Variants in PHLDB2 observed in about 807,000 individuals in gnomAD.
PHLDB2 encodes pleckstrin homology like domain family B member 2.
Under a neutral mutation model 123.6 loss-of-function variants are expected in PHLDB2, and 71 were observed. The ratio of observed to expected loss-of-function variants is 0.57; its 90% confidence interval spans 0.47 to 0.70. The LOEUF (loss-of-function observed/expected upper bound fraction) is 0.70. PHLDB2 is among the 30% of genes least tolerant of loss of function. PHLDB2 has a pLI of 0.00. For missense variants in PHLDB2, 1,446 were observed against 1,519.5 expected, an observed-to-expected ratio of 0.95 and a Z score of 0.80; for synonymous variants, 547 against 541.6, an observed-to-expected ratio of 1.01 and a Z score of -0.14.
exon 1 of PHLDB2, chr3:111,732,684 A>T: frequency 6.5e-7 from 1 of 1,535,624 alleles, no homozygotes; most frequent in Non-Finnish European, 8.7e-7. Context: ...AAGAGTCGGG[A>T]TTGAAAAGCA....
intron 2 of PHLDB2, among the ~76,000 whole-genome samples, chr3:111,909,963 G>A (rs552456025): frequency 6.6e-6 from 1 of 151,964 alleles, no homozygotes; most frequent in Admixed American, 6.6e-5. Flanking sequence ...TATGTGTACC[G>A]TCCTGTGACC....
chr3:111,835,865 C>G (rs969563829), intron 1 of PHLDB2, among the ~76,000 whole-genome samples: 5 of 152,154 alleles, frequency 3.3e-5, no homozygotes, highest in African/African-American at 1.2e-4. Flanking sequence ...CTCCGAAGGG[C>G]CAGGAAGAAG....
chr3:111,817,582 C>T (rs978466060), intron 1 of PHLDB2, among the ~76,000 whole-genome samples: 1 of 152,178 alleles, frequency 6.6e-6, no homozygotes, highest in African/African-American at 2.4e-5. Context: ...GGCACAAGAA[C>T]AACTTGTATC....
chr3:111,792,434 G>A (rs1203071816), intron 1 of PHLDB2, among the ~76,000 whole-genome samples: 1 of 152,150 alleles, frequency 6.6e-6, no homozygotes, highest in Non-Finnish European at 1.5e-5. Context: ...CACCAGGCAT[G>A]GTGGCTCATG....
intron 1 of PHLDB2, among the ~76,000 whole-genome samples, chr3:111,768,316 G>A (rs1338420299): frequency 2.0e-5 from 3 of 152,214 alleles, no homozygotes; most frequent in Non-Finnish European, 2.9e-5. Flanking sequence ...AGTCCACCTG[G>A]ATTTGATGGT....
chr3:111,874,340 T>G (rs1275908217), intron 1 of PHLDB2, among the ~76,000 whole-genome samples: 3 of 152,242 alleles, frequency 2.0e-5, no homozygotes, highest in South Asian at 2.1e-4. Context: ...TTTTTCCCTT[T>G]GTACTCTAAG....
chr3:111,960,143 A>C, intron 12 of PHLDB2: 1 of 852,102 alleles, frequency 1.2e-6, no homozygotes, highest in Non-Finnish European at 1.4e-6. Flanking sequence ...ACAACTTAAA[A>C]GGAGCAATTA....
chr3:111,856,011 G>GA (rs1334175230), upstream of PHLDB2, among the ~76,000 whole-genome samples: 7 of 152,126 alleles, frequency 4.6e-5, no homozygotes, highest in Non-Finnish European at 2.9e-5. Flanking sequence ...GAAAGCTATT[G>GA]AAAACCACTC....
chr3:111,949,797 G>C, intron 10 of PHLDB2: 1 of 985,698 alleles, frequency 1.0e-6, no homozygotes, highest in Non-Finnish European at 1.2e-6. Context: ...CTGAATTCAT[G>C]GCTACATCTG....
intron 1 of PHLDB2, among the ~76,000 whole-genome samples, chr3:111,866,621 G>A (rs1273731159): frequency 6.6e-6 from 1 of 152,192 alleles, no homozygotes; most frequent in East Asian, 1.9e-4. Context: ...AAAGTCCACG[G>A]AGGTGGTTTC....
At chr3:111,776,308 T>C (rs779990373) in intron 1 of PHLDB2, among the ~76,000 whole-genome samples, 5 of 152,152 alleles carry the variant, frequency 3.3e-5, no homozygotes, top group Non-Finnish European at 4.4e-5. Flanking sequence ...AAAGAGAAGA[T>C]AGAAAAGCAA....
chr3:111,917,324 T>G (rs1160747645), intron 3 of PHLDB2: 2 of 152,250 alleles, frequency 1.3e-5, no homozygotes, highest in African/African-American at 4.8e-5. Flanking sequence ...TACTTGCTTA[T>G]AAAGTTTAGA....
intron 5 of PHLDB2, among the ~76,000 whole-genome samples, chr3:111,929,424 C>A (rs2068989381): frequency 6.6e-6 from 1 of 151,902 alleles, no homozygotes; most frequent in Non-Finnish European, 1.5e-5. Flanking sequence ...AAGAGAAAAA[C>A]CTCAATCTTA....
In PHLDB2 at chr3:111,939,017, A is replaced by G. The variant is rs569659115; in HGVS notation, c.2131-458A>G. On this transcript the variant is annotated intron_variant, in intron 6 of 17. Transcript: ENST00000431670. ...GAGACGGGGTTTCACCATGTTGGCCAGGCTGGTCTCAAACTCCTGACCTCA... is the reference window on the plus strand; with the variant it reads ...GAGACGGGGTTTCACCATGTTGGCCGGGCTGGTCTCAAACTCCTGACCTCA... 2.6e-5 allele frequency among the ~76,000 whole-genome samples: 4 copies of G among 152,202 alleles called. No homozygotes were observed. The South Asian group carries it at 8.3e-4, about 32-fold the overall frequency.
At position 111,940,529 on chromosome 3, in the gene PHLDB2, C is replaced by T. The variant is rs1396309009; in HGVS notation, c.2287-6C>T. 14 of 1,561,828 alleles carry T rather than the reference C, an allele frequency of 9.0e-6. No individual in the cohort carries two copies. Among genetic ancestry groups the T allele is most frequent in the African/African-American group, 1.4e-5 (1 of 73,324 alleles). ...CATCTTCCTATGATCATCTCTTTTC[C>T]TCCAGGAAAAAATTTCTGCATTGAA... On this transcript the variant is annotated splice_polypyrimidine_tract_variant and splice_region_variant and intron_variant, in intron 7 of 17. Coordinates refer to ENST00000431670, the MANE Select transcript of PHLDB2 (RefSeq NM_001134438.2).
At chr3:111,878,825 A>T (rs1214586957) in intron 1 of PHLDB2, among the ~76,000 whole-genome samples, 2 of 152,126 alleles carry the variant, frequency 1.3e-5, no homozygotes, top group Admixed American at 6.5e-5. Context: ...GGTTTTTATT[A>T]TTGGTTCTGA....
intron 1 of PHLDB2, among the ~76,000 whole-genome samples, chr3:111,824,203 A>T (rs953741816): frequency 1.3e-5 from 2 of 152,104 alleles, no homozygotes; most frequent in African/African-American, 4.8e-5. Context: ...CTCCCTATAA[A>T]CAGGTTTTTT....
intron 1 of PHLDB2, among the ~76,000 whole-genome samples, chr3:111,767,416 C>G (rs1240093043): frequency 2.0e-5 from 3 of 152,166 alleles, no homozygotes; most frequent in Non-Finnish European, 2.9e-5. Flanking sequence ...ATTGTTGACA[C>G]CAAACTAGTG....
intron 5 of PHLDB2, among the ~76,000 whole-genome samples, chr3:111,926,324 G>T (rs1401291485): frequency 6.6e-6 from 1 of 152,200 alleles, no homozygotes; most frequent in East Asian, 1.9e-4. Context: ...TTTGGAGCCA[G>T]AGAAAGACAG....
Sources: gnomAD v4.1 joint callset for allele counts (sites outside exome capture counted in the v4.1 genomes callset) on GRCh38, gnomAD v4.1.1 for gene constraint, MANE v1.5 for transcripts, NCBI Gene and HGNC (gene_info 2026-07-23, HGNC 2026-07-21) for gene names.